GNG2: variants seen among roughly 807,000 people sequenced by gnomAD.
GNG2 encodes the protein G protein subunit gamma 2.
Under a neutral mutation model 5.5 loss-of-function variants are expected in GNG2, and 5 were observed. The observed-to-expected ratio is 0.91, with a 90% CI of 0.48 to 1.92. The LOEUF is 1.92. GNG2 is among the 30% of genes most tolerant of loss of function. The pLI, the probability that GNG2 is intolerant of heterozygous loss-of-function variation, is 0.01. For synonymous variants in GNG2, 28 were observed against 32.0 expected, an observed-to-expected ratio of 0.88 and a Z score of 0.42; for missense variants, 55 against 88.4, an observed-to-expected ratio of 0.62 and a Z score of 1.52.
intron 2 of GNG2, among the ~76,000 whole-genome samples, chr14:51,917,961 G>A (rs780827643): frequency 7.9e-5 from 12 of 151,646 alleles, no homozygotes; most frequent in Non-Finnish European, 1.0e-4. Flanking sequence ...GGAAAGTGGA[G>A]GTTGCACTGC....
chr14:51,890,036 A>G (rs1884747340), intron 2 of GNG2, among the ~76,000 whole-genome samples: 1 of 152,232 alleles, frequency 6.6e-6, no homozygotes, highest in South Asian at 2.1e-4. Flanking sequence ...CAAGTACTCA[A>G]AATAATCCTT....
chr14:51,827,542 G>GT, intron 1 of GNG2: 1 of 582,008 alleles, frequency 1.7e-6, no homozygotes, highest in South Asian at 2.0e-5. Context: ...AAAGCTAGGA[G>GT]TGGTATTTTT....
intron 2 of GNG2, among the ~76,000 whole-genome samples, chr14:51,941,842 G>A (rs1956818235): frequency 6.6e-6 from 1 of 152,086 alleles, no homozygotes; most frequent in Admixed American, 6.5e-5. Flanking sequence ...TTGTTGGTTG[G>A]GTGGGACGGG....
chr14:51,857,140 T>C (rs549133518), upstream of GNG2, among the ~76,000 whole-genome samples: 72 of 152,240 alleles, frequency 4.7e-4, no homozygotes, highest in Non-Finnish European at 7.9e-4. Flanking sequence ...ATGGCTTTAG[T>C]GCTGAAATGG....
intron 2 of GNG2, among the ~76,000 whole-genome samples, chr14:51,918,074 A>G (rs1283846663): frequency 6.6e-6 from 1 of 151,850 alleles, no homozygotes; most frequent in East Asian, 1.9e-4. Flanking sequence ...AAGCCTCACT[A>G]CATCCCTCAA....
At chr14:51,962,885 A>C (rs1889695932) in intron 3 of GNG2, among the ~76,000 whole-genome samples, 1 of 152,226 alleles carries the variant, frequency 6.6e-6, no homozygotes, top group Non-Finnish European at 1.5e-5. Context: ...CAGGTTAGAA[A>C]GGAGGAATGT....
At position 51,908,715 on chromosome 14, in the gene GNG2, G is replaced by A. The variant is rs540844126; in HGVS notation, c.-30+31058G>A. On this transcript the variant is annotated intron_variant, in intron 2 of 3. Coordinates refer to ENST00000556766, the MANE Select transcript of GNG2 (RefSeq NM_053064.5). ...TTCCTTAGTGGCTAGGATTACAGGC[G>A]TGCGCCACCACACCCAGCTAATTTT... 1.7e-4 allele frequency among the ~76,000 whole-genome samples: 24 copies of A among 141,534 alleles called. No homozygotes were observed. In the South Asian group the frequency reaches 3.6e-3, roughly 21 times the overall value. The allele number at this position is 141,534 out of a possible 152,430, so 92.9% of individuals were successfully genotyped here. A position where few individuals can be genotyped will look rare whatever the true frequency, so the allele number is the denominator to read the frequency against.
rs1264627274 is a variant in GNG2 at position 51,966,962 on chromosome 14, G to C, written c.*275G>C. On this transcript the variant is annotated 3_prime_UTR_variant, in exon 4 of 4. Coordinates refer to ENST00000556766, the MANE Select transcript of GNG2 (RefSeq NM_053064.5). ...GTCACTTCTTTTCTGCTATCCCCCA[G>C]CCCCCCCCCCAAAATCCTCATGTTT... is the stretch of plus-strand genomic sequence containing the variant. 768 of 106,278 alleles carry C rather than the reference G, an allele frequency of 7.2e-3. No individual in the cohort carries two copies. The highest frequency in any genetic ancestry group is 0.012 in the African/African-American group (289 of 24,074). The allele number at this position is 106,278 out of a possible 1,614,324, so 6.6% of individuals were successfully genotyped here.
intron 2 of GNG2, among the ~76,000 whole-genome samples, chr14:51,925,747 G>GC (rs1887273280): frequency 6.6e-6 from 1 of 152,038 alleles, no homozygotes; most frequent in Admixed American, 6.5e-5. Context: ...GAGCAGCTGG[G>GC]ATTATAGGCA....
intron 2 of GNG2, among the ~76,000 whole-genome samples, chr14:51,935,021 CTTTCTTTTT>C (rs1887896588): frequency 9.0e-6 from 1 of 111,302 alleles, no homozygotes; most frequent in African/African-American, 3.4e-5. Flanking sequence ...AGCCCAGTTT[CTTTCTTTTT>C]TTTTTTTTTT....
chr14:51,870,347 G>C (rs1883219680), intron 1 of GNG2, among the ~76,000 whole-genome samples: 1 of 152,122 alleles, frequency 6.6e-6, no homozygotes, highest in African/African-American at 2.4e-5. Flanking sequence ...GCTAGGCAAA[G>C]TAAAGAATAA....
intron 2 of GNG2, among the ~76,000 whole-genome samples, chr14:51,831,539 C>T (rs967674854): frequency 1.3e-5 from 2 of 152,096 alleles, no homozygotes; most frequent in Non-Finnish European, 1.5e-5. Flanking sequence ...ATAGGGAGAA[C>T]TATGGTAATA....
intron 2 of GNG2, among the ~76,000 whole-genome samples, chr14:51,830,077 G>A (rs935976153): frequency 2.0e-5 from 3 of 151,980 alleles, no homozygotes; most frequent in Admixed American, 6.6e-5. Flanking sequence ...TCCTGACCTC[G>A]TGATCCGCCC....
At chr14:51,890,746 C>T (rs1453200675) in intron 2 of GNG2, among the ~76,000 whole-genome samples, 5 of 152,148 alleles carry the variant, frequency 3.3e-5, no homozygotes, top group African/African-American at 1.2e-4. Context: ...TAAGTGGCTT[C>T]TTCAATAAGC....
At chr14:51,966,231 A>AAAAAAAAG (rs61013183) in intron 3 of GNG2, among the ~76,000 whole-genome samples, 1,258 of 108,482 alleles carry the variant, frequency 0.012, 83 homozygotes, top group Non-Finnish European at 0.019. Context: ...AAAAAAAAAA[A>AAAAAAAAG]AAAAAACAAA....
upstream of GNG2, among the ~76,000 whole-genome samples, chr14:51,858,408 G>C (rs1882262343): frequency 6.6e-6 from 1 of 152,222 alleles, no homozygotes; most frequent in Non-Finnish European, 1.5e-5. Flanking sequence ...AGAGATGGAA[G>C]AACTAATTAA....
intron 2 of GNG2, among the ~76,000 whole-genome samples, chr14:51,890,045 T>C (rs746304210): frequency 6.6e-6 from 1 of 152,170 alleles, no homozygotes; most frequent in Non-Finnish European, 1.5e-5. Context: ...AAAATAATCC[T>C]TGGAAAGGAA....
chr14:51,936,236 A>G (rs1283428867), intron 2 of GNG2, among the ~76,000 whole-genome samples: 1 of 152,164 alleles, frequency 6.6e-6, no homozygotes, highest in Non-Finnish European at 1.5e-5. Flanking sequence ...GTTCTGCAAG[A>G]TACTTCTGGG....
intron 2 of GNG2, among the ~76,000 whole-genome samples, chr14:51,943,450 T>C (rs1888463565): frequency 6.6e-6 from 1 of 152,260 alleles, no homozygotes; most frequent in Admixed American, 6.5e-5. Context: ...ATATGATGTG[T>C]GTCTGTGCTT....
Sources: allele counts gnomAD v4.1 joint callset (sites outside exome capture counted in the v4.1 genomes callset), GRCh38; gene constraint gnomAD v4.1.1; transcripts MANE v1.5; gene names NCBI Gene and HGNC (gene_info 2026-07-23, HGNC 2026-07-21).